SCUBE1: variants seen among roughly 807,000 people sequenced by gnomAD.
The protein encoded by SCUBE1 is signal peptide, CUB and EGF-like domain-containing protein 1.
SCUBE1 carries 59 observed loss-of-function variants against 124.4 expected under a neutral mutation model. The observed-to-expected ratio is 0.47, with a 90% CI of 0.38 to 0.59. The LOEUF (loss-of-function observed/expected upper bound fraction) is 0.59, where lower values mean the gene tolerates loss of function less well. Ranked by LOEUF, SCUBE1 falls within the 20% of genes least tolerant of loss-of-function variation. The pLI is 0.00. For missense variants in SCUBE1, 1,150 were observed against 1,371.2 expected, an observed-to-expected ratio of 0.84 and a Z score of 2.55; for synonymous variants, 545 against 550.9, an observed-to-expected ratio of 0.99 and a Z score of 0.15.
At chr22:43,228,632 A>T (rs1050045051) in intron 9 of SCUBE1, among the ~76,000 whole-genome samples, 12 of 151,886 alleles carry the variant, frequency 7.9e-5, no homozygotes, top group East Asian at 3.9e-4. Context: ...CTGCTTTCTC[A>T]TGCGGATCCC....
intron 21 of SCUBE1, among the ~76,000 whole-genome samples, chr22:43,205,633 C>T (rs1921200644): frequency 6.7e-6 from 1 of 148,424 alleles, no homozygotes; most frequent in South Asian, 2.2e-4. Flanking sequence ...ACCATACACC[C>T]ACTCACCACA....
intron 2 of SCUBE1, among the ~76,000 whole-genome samples, chr22:43,331,496 T>C (rs932554643): frequency 2.0e-5 from 3 of 152,182 alleles, no homozygotes; most frequent in African/African-American, 7.2e-5. Context: ...GAAGGGGTGA[T>C]GTGTACTGTT....
intron 4 of SCUBE1, among the ~76,000 whole-genome samples, chr22:43,265,903 C>T (rs1924044593): frequency 6.6e-6 from 1 of 152,160 alleles, no homozygotes; most frequent in South Asian, 2.1e-4. Flanking sequence ...GAGCTCGAGA[C>T]TAGCCTGGCC....
intron 1 of SCUBE1, 94 bp from the exon 2 acceptor site, chr22:43,339,329 C>A: frequency 2.3e-6 from 3 of 1,289,578 alleles, no homozygotes; most frequent in South Asian, 2.8e-5. Context: ...TGCCTTTGCC[C>A]GTCCATTGAT....
At position 43,212,327 on chromosome 22, in the gene SCUBE1, G is replaced by A. The variant is rs531417802; in HGVS notation, c.2221+98C>T. 369 of 1,347,412 alleles carry A rather than the reference G, an allele frequency of 2.7e-4. 2 individuals are homozygous for A. In the African/African-American group the frequency reaches 3.9e-3, roughly 14 times the overall value. The allele number at this position is 1,347,412 out of a possible 1,614,324, so 83.5% of individuals were successfully genotyped here. A position where few individuals can be genotyped will look rare whatever the true frequency, so the allele number is the denominator to read the frequency against. On this transcript the variant is annotated intron_variant, in intron 17 of 21. Transcript: ENST00000360835. ...GCTCCTCCTCTGAGCTGGGAGGTTC[G>A]CCACATGGAGGAGATGAGAGGGGTT...
At position 43,203,976 on chromosome 22, in the gene SCUBE1, A is replaced by C. The variant is rs1348745595; in HGVS notation, c.*21T>G. Reference sequence around the variant, plus strand: ...ACCCTCCGCGGACCAGGCCACCCCCAGGCAGGGCCGCTCCCCCCGGTTATT... The same window carrying C: ...ACCCTCCGCGGACCAGGCCACCCCCCGGCAGGGCCGCTCCCCCCGGTTATT... On this transcript the variant is annotated 3_prime_UTR_variant, in exon 22 of 22. Coordinates refer to ENST00000360835, the MANE Select transcript of SCUBE1 (RefSeq NM_173050.5). The C allele has an allele frequency of 6.2e-7, 1 of 1,613,498 alleles. No homozygotes were observed. Among genetic ancestry groups the C allele is most frequent in the Admixed American group, 1.7e-5 (1 of 60,008 alleles).
chr22:43,278,042 C>A (rs893101549), intron 4 of SCUBE1, among the ~76,000 whole-genome samples: 2 of 152,268 alleles, frequency 1.3e-5, no homozygotes. Context: ...GGCGCCGGCT[C>A]AAGGCCAGGC....
chr22:43,325,010 A>G (rs1355444330), intron 2 of SCUBE1, among the ~76,000 whole-genome samples: 2 of 150,228 alleles, frequency 1.3e-5, no homozygotes, highest in Non-Finnish European at 3.0e-5. Context: ...GGGAAATTGG[A>G]CACAGACATA....
At chr22:43,324,261 C>T (rs904192881) in intron 2 of SCUBE1, among the ~76,000 whole-genome samples, 1 of 152,322 alleles carries the variant, frequency 6.6e-6, no homozygotes, top group African/African-American at 2.4e-5. Flanking sequence ...GTTGAATAGT[C>T]AATAAAACAA....
intron 4 of SCUBE1, chr22:43,283,717 G>A (rs774481249): frequency 7.2e-5 from 11 of 152,232 alleles, no homozygotes; most frequent in African/African-American, 2.4e-4. Flanking sequence ...CTCTAGTGAC[G>A]TAAGATGTCA....
At chr22:43,263,101 G>A (rs1241873059) in intron 4 of SCUBE1, among the ~76,000 whole-genome samples, 3 of 152,232 alleles carry the variant, frequency 2.0e-5, no homozygotes, top group Non-Finnish European at 4.4e-5. Flanking sequence ...GAGTTGCACT[G>A]TAAATGGCAC....
At chr22:43,262,606 C>T (rs1923912716) in intron 5 of SCUBE1, 114 bp downstream of exon 5, 3 of 1,268,136 alleles carry the variant, frequency 2.4e-6, no homozygotes, top group Non-Finnish European at 3.4e-6. Context: ...TTCTCTCCAC[C>T]CCATGGGGCT....
intron 2 of SCUBE1, among the ~76,000 whole-genome samples, chr22:43,320,349 T>G (rs1926502641): frequency 6.6e-6 from 1 of 152,194 alleles, no homozygotes; most frequent in Admixed American, 6.5e-5. Context: ...CAGGGGGTAT[T>G]GAGTAAAATT....
chr22:43,232,060 G>T, intron 7 of SCUBE1, 185 bp from the exon 8 acceptor site: 1 of 636,458 alleles, frequency 1.6e-6, no homozygotes, highest in East Asian at 2.8e-5. Flanking sequence ...CAGGGGTCAG[G>T]GTCGGGGCTG....
At position 43,339,237 on chromosome 22, in the gene SCUBE1, T is replaced by C; in HGVS notation, c.89-2A>G. The C allele has an allele frequency of 6.2e-7, 1 of 1,613,030 alleles. No homozygotes were observed. The highest frequency in any genetic ancestry group is 8.5e-7 in the Non-Finnish European group (1 of 1,179,344). The stretch of plus-strand genomic sequence containing the variant: ...AGCACTCATCCACGTCGACTGACCC[T>C]GTGGGTAGGGGTGTGGGGGGAATAA... On this transcript the variant is annotated splice_acceptor_variant, in intron 1 of 21. Coordinates refer to ENST00000360835, the MANE Select transcript of SCUBE1 (RefSeq NM_173050.5). LOFTEE classifies it high-confidence loss of function.
At chr22:43,289,774 A>T (rs1475462764) in intron 4 of SCUBE1, among the ~76,000 whole-genome samples, 1 of 152,152 alleles carries the variant, frequency 6.6e-6, no homozygotes, top group Non-Finnish European at 1.5e-5. Context: ...CAGTCAGTAG[A>T]GCCGCCCATG....
intron 16 of SCUBE1, 41 bp from the exon 17 acceptor site, chr22:43,212,633 C>T: frequency 6.5e-7 from 1 of 1,541,900 alleles, no homozygotes; most frequent in Non-Finnish European, 8.7e-7. Context: ...CAGGAGGGCA[C>T]CGCAGGGCCG....
At chr22:43,249,932 G>C (rs549606928) in intron 6 of SCUBE1, among the ~76,000 whole-genome samples, 114 of 152,364 alleles carry the variant, frequency 7.5e-4, no homozygotes, top group African/African-American at 2.7e-3. Flanking sequence ...ATCTGTCCCT[G>C]GCGGCTTCCC....
At chr22:43,221,109 C>A (rs1004995495) in intron 13 of SCUBE1, 64 bp downstream of exon 13, 21 of 1,347,968 alleles carry the variant, frequency 1.6e-5, no homozygotes, top group Non-Finnish European at 2.1e-5. Flanking sequence ...GGCCCCAGCT[C>A]CCAGGCATGA....
Sources: allele counts gnomAD v4.1 joint callset (sites outside exome capture counted in the v4.1 genomes callset), GRCh38; gene constraint gnomAD v4.1.1; transcripts MANE v1.5; gene names NCBI Gene and HGNC (gene_info 2026-07-23, HGNC 2026-07-21).